The following CNOT6 variants were observed in gnomAD, a reference collection of about 807,000 sequenced individuals.
CNOT6 encodes carbon catabolite repression 4 protein.
A neutral mutation model predicts 61.2 loss-of-function variants in CNOT6; 12 were observed. That is an observed-to-expected ratio of 0.20 (90% CI 0.13 to 0.32). The LOEUF (loss-of-function observed/expected upper bound fraction) is 0.32. Among genes scored for constraint, CNOT6 ranks in the 10% least tolerant of loss-of-function variants. CNOT6 has a pLI of 1.00. For synonymous variants in CNOT6, 225 were observed against 240.6 expected (o/e 0.94, Z 0.60); for missense variants, 405 against 663.9 (o/e 0.61, Z 4.28).
intron 4 of CNOT6, among the ~76,000 whole-genome samples, chr5:180,563,756 A>C (rs1028152059): frequency 2.0e-5 from 3 of 152,172 alleles, no homozygotes; most frequent in Non-Finnish European, 4.4e-5. Flanking sequence ...ATGGATAGGA[A>C]CTTTGCTCCA....
At chr5:180,545,425 C>T (rs1449160500) in intron 2 of CNOT6, among the ~76,000 whole-genome samples, 2 of 151,982 alleles carry the variant, frequency 1.3e-5, no homozygotes, top group African/African-American at 4.8e-5. Context: ...AGTATGTACC[C>T]TTTTTTCTTT....
At chr5:180,550,413 G>A (rs1436258862) in intron 3 of CNOT6, among the ~76,000 whole-genome samples, 1 of 152,092 alleles carries the variant, frequency 6.6e-6, no homozygotes, top group Non-Finnish European at 1.5e-5. Context: ...TCACACCGCT[G>A]CACTCCAGCC....
chr5:180,522,109 TTATCTGTCTGTCTATGTATC>T lies in CNOT6; in HGVS notation c.-2-7156_-2-7137del, dbSNP rs1581494368. Among the ~76,000 whole-genome samples, 4 of 152,296 alleles carry T rather than the reference TTATCTGTCTGTCTATGTATC, an allele frequency of 2.6e-5. No homozygotes were observed. In the East Asian group the frequency reaches 7.7e-4, roughly 29 times the overall value. On this transcript the variant is annotated intron_variant, in intron 1 of 11. Transcript: ENST00000261951. ...GTTCTGGTTTTTTATTTATTTATTT[TTATCTGTCTGTCTATGTATC>T]TATCTGTCTATTGAGACAGAGTTTC...
chr5:180,525,822 C>T (rs895195544), intron 1 of CNOT6, among the ~76,000 whole-genome samples: 6 of 152,090 alleles, frequency 3.9e-5, no homozygotes, highest in South Asian at 2.1e-4. Flanking sequence ...TGTTTCTAGG[C>T]GGGGGCGATC....
At chr5:180,521,114 C>A (rs1757862234) in intron 1 of CNOT6, among the ~76,000 whole-genome samples, 1 of 152,112 alleles carries the variant, frequency 6.6e-6, no homozygotes, top group Non-Finnish European at 1.5e-5. Context: ...GCTAGGATTA[C>A]AGGTGTGAGA....
intron 9 of CNOT6, among the ~76,000 whole-genome samples, 159 bp from the exon 10 acceptor site, chr5:180,568,951 C>A (rs1367743333): frequency 6.6e-6 from 1 of 152,154 alleles, no homozygotes; most frequent in African/African-American, 2.4e-5. Flanking sequence ...GTGTATTTCT[C>A]GGGTTTGTTG....
At chr5:180,503,492 T>C (rs1756981007) in intron 1 of CNOT6, among the ~76,000 whole-genome samples, 1 of 151,774 alleles carries the variant, frequency 6.6e-6, no homozygotes, top group East Asian at 1.9e-4. Flanking sequence ...CTCGAACTCC[T>C]GACCTGAAGT....
intron 1 of CNOT6, among the ~76,000 whole-genome samples, chr5:180,516,423 G>A (rs7726226): frequency 0.47 from 71,091 of 151,742 alleles, 17,900 homozygotes; most frequent in Non-Finnish European, 0.57. Context: ...CTTGTGATCC[G>A]CCTGCCTTGG....
intron 2 of CNOT6, among the ~76,000 whole-genome samples, chr5:180,546,388 T>C (rs1759313465): frequency 6.6e-6 from 1 of 152,216 alleles, no homozygotes; most frequent in African/African-American, 2.4e-5. Flanking sequence ...TCATTCCATT[T>C]TACCTCCTTT....
rs530580244 is a variant in CNOT6 at position 180,501,367 on chromosome 5, G to C, written c.-3+6604G>C. On this transcript the variant is annotated intron_variant, in intron 1 of 11. Transcript: ENST00000261951. ...GTTTAGCTTAGAGAACTGTTGGTAT[G>C]ATTTAACTTGGGAAACAGAAGAACA... Among the ~76,000 whole-genome samples, 9 of 152,306 alleles carry C rather than the reference G, an allele frequency of 5.9e-5. No individual in the cohort carries two copies. In the East Asian group the frequency reaches 1.7e-3, roughly 29 times the overall value.
At chr5:180,530,851 A>C (rs1478163698) in intron 2 of CNOT6, among the ~76,000 whole-genome samples, 1 of 152,210 alleles carries the variant, frequency 6.6e-6, no homozygotes, top group Non-Finnish European at 1.5e-5. Context: ...CTGAGTGGAC[A>C]CAGCACATGT....
intron 4 of CNOT6, among the ~76,000 whole-genome samples, chr5:180,562,620 G>A (rs1244502502): frequency 1.3e-5 from 2 of 152,034 alleles, no homozygotes; most frequent in African/African-American, 2.4e-5. Context: ...GCTGCCTGTA[G>A]TCCCAGCTAC....
intron 2 of CNOT6, among the ~76,000 whole-genome samples, chr5:180,544,099 C>G (rs1759185415): frequency 6.6e-6 from 1 of 152,244 alleles, no homozygotes; most frequent in Admixed American, 6.5e-5. Context: ...GCGTGAGCCA[C>G]CGCTCCTGGC....
chr5:180,520,742 C>G (rs1757845707), intron 1 of CNOT6, among the ~76,000 whole-genome samples: 1 of 152,144 alleles, frequency 6.6e-6, no homozygotes, highest in Non-Finnish European at 1.5e-5. Context: ...TTATGAGTTA[C>G]AACAGTTTAG....
chr5:180,570,586 T>C (rs1012403467), intron 10 of CNOT6, among the ~76,000 whole-genome samples: 1 of 152,180 alleles, frequency 6.6e-6, no homozygotes, highest in African/African-American at 2.4e-5. Context: ...TGGTCAAACA[T>C]TAATATCCAA....
At chr5:180,529,209 A>AG (rs1561642614) in intron 1 of CNOT6, 66 bp from the exon 2 acceptor site, 3 of 875,678 alleles carry the variant, frequency 3.4e-6, no homozygotes, top group Non-Finnish European at 5.5e-6. Flanking sequence ...AAAAAAAAAA[A>AG]AAAAGGTGTT....
intron 11 of CNOT6, among the ~76,000 whole-genome samples, chr5:180,573,025 A>G (rs1336753036): frequency 2.0e-5 from 3 of 152,240 alleles, no homozygotes; most frequent in African/African-American, 4.8e-5. Flanking sequence ...GAGCATAGAA[A>G]GTAAACCCCT....
rs113386761 is a variant in CNOT6 at position 180,528,411 on chromosome 5, C to T, written c.-2-864C>T. Among the ~76,000 whole-genome samples, 19 of 152,132 alleles carry T rather than the reference C, an allele frequency of 1.2e-4. 2 individuals are homozygous for T. Among genetic ancestry groups the T allele is most frequent in the African/African-American group, 4.3e-4 (18 of 41,540 alleles). ...CTGCAAGCTCCACCTCCCGGGTTCA[C>T]GCCATTCTCCTGCCTCAGCCTTCCG... On this transcript the variant is annotated intron_variant, in intron 1 of 11. Coordinates refer to ENST00000261951, the MANE Select transcript of CNOT6 (RefSeq NM_001370472.1).
At chr5:180,518,615 C>T (rs942998331) in intron 1 of CNOT6, among the ~76,000 whole-genome samples, 1 of 152,150 alleles carries the variant, frequency 6.6e-6, no homozygotes, top group Non-Finnish European at 1.5e-5. Context: ...ACCTCCCAGG[C>T]TCAGGTAGTC....
Sources: gnomAD v4.1 joint callset for allele counts (sites outside exome capture counted in the v4.1 genomes callset) on GRCh38, gnomAD v4.1.1 for gene constraint, MANE v1.5 for transcripts, NCBI Gene and HGNC (gene_info 2026-07-23, HGNC 2026-07-21) for gene names.